The following CCDC15 variants were observed in gnomAD, a reference collection of about 807,000 sequenced individuals.
The protein encoded by CCDC15 is coiled-coil domain-containing protein 15.
CCDC15 carries 105 observed loss-of-function variants against 114.5 expected under a neutral mutation model. That is an observed-to-expected ratio of 0.92 (90% CI 0.78 to 1.08). CCDC15 has a LOEUF of 1.08. Among genes scored for constraint, CCDC15 ranks in the 50% least tolerant of loss-of-function variants. CCDC15 has a pLI of 0.00. For missense variants in CCDC15, 1,105 were observed against 1,093.6 expected (o/e 1.01, Z -0.15); for synonymous variants, 334 against 377.8 (o/e 0.88, Z 1.34).
At chr11:124,956,140 G>A (rs1947544945) in intron 2 of CCDC15, among the ~76,000 whole-genome samples, 1 of 146,156 alleles carries the variant, frequency 6.8e-6, no homozygotes, top group South Asian at 2.2e-4. Context: ...TTTTGGAGAA[G>A]GGATTGACTT....
chr11:125,003,005 T>G (rs1948503072), intron 11 of CCDC15, among the ~76,000 whole-genome samples: 1 of 152,056 alleles, frequency 6.6e-6, no homozygotes, highest in Non-Finnish European at 1.5e-5. Flanking sequence ...CTTAACGATA[T>G]TGGGTCTTCC....
rs374321089 is a variant in CCDC15, at chr11:125,009,214, C to T, written c.2411+4002C>T. ...TGCACTCCAGCCTGGGCAATAAGAG[C>T]GAAACTCCGTCTCAAAAAAAAAAAA... On this transcript the variant is annotated intron_variant, in intron 13 of 15. Transcript: ENST00000344762. Among the ~76,000 whole-genome samples, 69 of 103,140 alleles carry T rather than the reference C, an allele frequency of 6.7e-4. No individual in the cohort carries two copies. In the South Asian group the frequency reaches 0.026, roughly 39 times the overall value. The allele number at this position is 103,140 out of a possible 152,430, so 67.7% of individuals were successfully genotyped here.
intron 13 of CCDC15, among the ~76,000 whole-genome samples, chr11:125,021,439 C>T (rs540069868): frequency 4.6e-5 from 7 of 151,738 alleles, no homozygotes; most frequent in African/African-American, 1.7e-4. Flanking sequence ...CAGATATAAC[C>T]GTTTATGTAC....
At chr11:124,963,514 GTA>G in intron 4 of CCDC15, among the ~76,000 whole-genome samples, 1 of 152,036 alleles carries the variant, frequency 6.6e-6, no homozygotes, top group Non-Finnish European at 1.5e-5. Context: ...GTAAATTTGT[GTA>G]AGTTCTTTGT....
At chr11:125,012,156 A>G (rs1273701464) in intron 13 of CCDC15, among the ~76,000 whole-genome samples, 1 of 152,162 alleles carries the variant, frequency 6.6e-6, no homozygotes, top group Non-Finnish European at 1.5e-5. Flanking sequence ...AAGTTTGAGT[A>G]AAGAATTCCA....
At chr11:124,966,794 C>T (rs1348055536) in intron 4 of CCDC15, among the ~76,000 whole-genome samples, 1 of 152,084 alleles carries the variant, frequency 6.6e-6, no homozygotes, top group Non-Finnish European at 1.5e-5. Flanking sequence ...TGTTCCTTTC[C>T]ATGTTTAGTG....
chr11:125,010,397 A>G (rs77337327), intron 13 of CCDC15, among the ~76,000 whole-genome samples: 7 of 148,202 alleles, frequency 4.7e-5, no homozygotes, highest in Non-Finnish European at 7.4e-5. Flanking sequence ...TTTTTTTTTA[A>G]GATGGAGTCT....
intron 6 of CCDC15, 42 bp downstream of exon 6, chr11:124,977,642 T>A: frequency 6.3e-7 from 1 of 1,575,198 alleles, no homozygotes; most frequent in Non-Finnish European, 8.6e-7. Flanking sequence ...CATTGGCTTA[T>A]TAGAAGTATC....
chr11:125,037,923 T>TGTTTTTTTTG (rs35205863), intron 13 of CCDC15: 1 of 149,190 alleles, frequency 6.7e-6, no homozygotes, highest in African/African-American at 2.5e-5. Context: ...AAAAACTGTT[T>TGTTTTTTTTG]TTTTTTTTTT....
chr11:124,960,404 T>A (rs1448625145), intron 4 of CCDC15, among the ~76,000 whole-genome samples: 1 of 151,636 alleles, frequency 6.6e-6, no homozygotes, highest in African/African-American at 2.4e-5. Flanking sequence ...GCACTTTAGG[T>A]CAAGAACATG....
chr11:124,987,576 A>G lies in CCDC15; in HGVS notation c.1350A>G (p.Leu450=), dbSNP rs1426435264. The change falls in exon 8 of 16, where the codon CTA becomes CTG. Residue 450 remains leucine (L), a synonymous_variant. Coordinates refer to ENST00000344762, the MANE Select transcript of CCDC15 (RefSeq NM_025004.3). The stretch of plus-strand genomic sequence containing the variant: ...TCAAATATCAGGACCAGGACTTCCT[A>G]CCCAGAGACCAGCATGTTCTCCACA... ...ILLKYQDQDF[L]PRDQHVLHKD... 1 of 1,614,054 alleles carries G rather than the reference A, an allele frequency of 6.2e-7. No homozygotes were observed. The highest frequency in any genetic ancestry group is 8.5e-7 in the Non-Finnish European group (1 of 1,179,890).
Position 124,959,263 on chromosome 11 carries a change from G to A in CCDC15, c.326G>A (p.Arg109Lys). ...KKQQLQKSYE[R>K]AQKEGSIAMQ... is the part of the protein sequence containing the mutation. ...CAACAGCTTCAGAAGTCTTATGAAA[G>A]AGTAAGTTCAAAAGTGAGCCTGAGT... Residue 109 changes from arginine to lysine, a missense_variant and splice_region_variant, in exon 3 of 16, where the codon AGA becomes AAA. Transcript: ENST00000344762. 1 of 1,572,048 alleles carries A rather than the reference G, an allele frequency of 6.4e-7. No individual in the cohort carries two copies. Among genetic ancestry groups the A allele is most frequent in the Non-Finnish European group, 8.6e-7 (1 of 1,164,342 alleles).
intron 13 of CCDC15, among the ~76,000 whole-genome samples, chr11:125,026,817 G>A (rs573299766): frequency 2.6e-5 from 4 of 152,104 alleles, no homozygotes; most frequent in South Asian, 2.1e-4. Context: ...GATGATTTCC[G>A]AGATTTTGGT....
chr11:124,997,597 A>G (rs545902000), intron 11 of CCDC15, among the ~76,000 whole-genome samples: 5 of 152,256 alleles, frequency 3.3e-5, no homozygotes, highest in South Asian at 4.1e-4. Context: ...CCATCATTTT[A>G]GAGAATATCT....
intron 4 of CCDC15, among the ~76,000 whole-genome samples, chr11:124,961,996 T>C (rs1052584562): frequency 3.3e-5 from 5 of 152,186 alleles, no homozygotes; most frequent in Non-Finnish European, 5.9e-5. Flanking sequence ...TGAAAAACCT[T>C]AAATGTCACA....
At chr11:125,027,955 C>T (rs115419069) in intron 13 of CCDC15, among the ~76,000 whole-genome samples, 2,225 of 152,218 alleles carry the variant, frequency 0.015, 59 homozygotes, top group African/African-American at 0.05. Flanking sequence ...CTATGTATGG[C>T]TTGCCAGTTA....
chr11:125,026,074 T>C (rs988437919), intron 13 of CCDC15, among the ~76,000 whole-genome samples: 1 of 152,138 alleles, frequency 6.6e-6, no homozygotes, highest in Admixed American at 6.6e-5. Context: ...GCACCTGCAC[T>C]CCCTTAGCTG....
chr11:124,987,655 C>G lies in CCDC15; in HGVS notation c.1429C>G (p.Gln477Glu), dbSNP rs769986203. ...GGACCAGAATTTTCTACCTAAGGAC[C>G]AGAATTTTTTATCTAGAGACCAGCA... The part of the protein sequence containing the change: ...YQDQNFLPKD[Q>E]NFLSRDQHVL... The change falls in exon 8 of 16, where the codon CAG (glutamine) becomes GAG (glutamate). Residue 477 changes from glutamine to glutamate, a missense_variant. By Grantham distance (29) the Gln-to-Glu change is conservative. Coordinates refer to ENST00000344762, the MANE Select transcript of CCDC15 (RefSeq NM_025004.3). 2 of 1,613,786 alleles carry G rather than the reference C, an allele frequency of 1.2e-6. No homozygotes were observed. Among genetic ancestry groups the G allele is most frequent in the Admixed American group, 1.7e-5 (1 of 60,010 alleles).
intron 4 of CCDC15, among the ~76,000 whole-genome samples, chr11:124,962,204 A>G (rs1031791594): frequency 6.6e-6 from 1 of 152,184 alleles, no homozygotes; most frequent in East Asian, 1.9e-4. Flanking sequence ...CTAGACAATG[A>G]GACAGTTCAG....
Sources: gnomAD v4.1 joint callset for allele counts (sites outside exome capture counted in the v4.1 genomes callset) on GRCh38, gnomAD v4.1.1 for gene constraint, MANE v1.5 for transcripts, NCBI Gene and HGNC (gene_info 2026-07-23, HGNC 2026-07-21) for gene names.